DOCK2: variants seen among roughly 807,000 people sequenced by gnomAD.
DOCK2 encodes dedicator of cytokinesis protein 2.
DOCK2 carries 87 observed loss-of-function variants against 248.9 expected under a neutral mutation model. The observed-to-expected ratio is 0.35, with a 90% CI of 0.29 to 0.42. The LOEUF is 0.42. Ranked by LOEUF, DOCK2 falls within the 10% of genes least tolerant of loss-of-function variation. DOCK2 has a pLI of 1.00. For synonymous variants in DOCK2, 805 were observed against 821.6 expected, an observed-to-expected ratio of 0.98 and a Z score of 0.35; for missense variants, 1,747 against 2,300.2, an observed-to-expected ratio of 0.76 and a Z score of 4.92.
chr5:169,925,823 C>T (rs953257253), intron 27 of DOCK2, among the ~76,000 whole-genome samples: 8 of 152,080 alleles, frequency 5.3e-5, no homozygotes, highest in Non-Finnish European at 1.2e-4. Flanking sequence ...TCTATTGCTG[C>T]TATTATCACT....
At chr5:169,863,081 G>T (rs560990098) in intron 27 of DOCK2, among the ~76,000 whole-genome samples, 1 of 152,152 alleles carries the variant, frequency 6.6e-6, no homozygotes, top group Non-Finnish European at 1.5e-5. Flanking sequence ...TACTTTAGTA[G>T]TTTGTTCAGC....
At position 169,708,372 on chromosome 5, in the gene DOCK2, G is replaced by A. The variant is rs76280833; in HGVS notation, c.1482+105G>A. 4,176 of 1,137,024 alleles carry A rather than the reference G, an allele frequency of 3.7e-3. 111 individuals carry two copies. In the African/African-American group the frequency reaches 0.056, roughly 15 times the overall value. The allele number at this position is 1,137,024 out of a possible 1,614,324, so 70.4% of individuals were successfully genotyped here. A position where few individuals can be genotyped will look rare whatever the true frequency, so the allele number is the denominator to read the frequency against. On this transcript the variant is annotated intron_variant, in intron 15 of 51. Coordinates refer to ENST00000520908, the MANE Select transcript of DOCK2 (RefSeq NM_004946.3). ...AATTTATGTATTGCTTACAACAGCC[G>A]TGTGAGGTTTGTACTAATATTTCCT... is the stretch of plus-strand genomic sequence containing the variant.
At chr5:169,791,729 A>C (rs759488740) in intron 25 of DOCK2, among the ~76,000 whole-genome samples, 4 of 152,224 alleles carry the variant, frequency 2.6e-5, no homozygotes, top group African/African-American at 4.8e-5. Flanking sequence ...GGTGAGCTAC[A>C]TGGAGCTCCT....
At chr5:169,849,416 G>C (rs981066758) in intron 27 of DOCK2, among the ~76,000 whole-genome samples, 1 of 152,182 alleles carries the variant, frequency 6.6e-6, no homozygotes, top group African/African-American at 2.4e-5. Context: ...ACACTCCTAA[G>C]CGATGAATAA....
At chr5:169,914,163 G>A (rs1774753910) in intron 27 of DOCK2, among the ~76,000 whole-genome samples, 1 of 152,070 alleles carries the variant, frequency 6.6e-6, no homozygotes, top group African/African-American at 2.4e-5. Context: ...GCAAACCTTG[G>A]CTCCAACAAA....
At chr5:169,765,887 T>A (rs1309916756) in intron 25 of DOCK2, among the ~76,000 whole-genome samples, 4 of 152,178 alleles carry the variant, frequency 2.6e-5, no homozygotes, top group African/African-American at 9.7e-5. Flanking sequence ...TTCCCTCTCA[T>A]CTGTTGCCCA....
chr5:169,683,144 TAGC>T (rs1229150610), intron 7 of DOCK2, among the ~76,000 whole-genome samples: 1 of 152,248 alleles, frequency 6.6e-6, no homozygotes, highest in African/African-American at 2.4e-5. Context: ...GGGCAATACT[TAGC>T]AGTGGGATTG....
chr5:169,848,758 A>G (rs558164385), intron 27 of DOCK2, among the ~76,000 whole-genome samples: 61 of 152,320 alleles, frequency 4.0e-4, no homozygotes, highest in Non-Finnish European at 6.3e-4. Context: ...AGTAAAGGTA[A>G]ATGCTTGGCA....
intron 22 of DOCK2, among the ~76,000 whole-genome samples, chr5:169,729,434 T>C (rs1762650542): frequency 1.3e-5 from 2 of 152,188 alleles, no homozygotes; most frequent in African/African-American, 4.8e-5. Flanking sequence ...GTGGCACATA[T>C]GGTCACTGTC....
Position 169,666,174 on chromosome 5 carries a change from T to G in DOCK2, c.128-3114T>G, listed in dbSNP as rs116698761. 9.5e-3 allele frequency among the ~76,000 whole-genome samples: 1,439 copies of G among 152,258 alleles called. 22 individuals are homozygous for G. Among genetic ancestry groups the G allele is most frequent in the African/African-American group, 0.033 (1,355 of 41,542 alleles). The stretch of plus-strand genomic sequence containing the variant: ...TTTGTAGATGGCTGTGTTCTTGTCA[T>G]AGCCTCTCACATGGCAGAGAGCAAA... On this transcript the variant is annotated intron_variant, in intron 2 of 51. Coordinates refer to ENST00000520908, the MANE Select transcript of DOCK2 (RefSeq NM_004946.3).
intron 27 of DOCK2, among the ~76,000 whole-genome samples, chr5:169,924,847 T>A (rs763677866): frequency 6.6e-6 from 1 of 152,152 alleles, no homozygotes; most frequent in Non-Finnish European, 1.5e-5. Flanking sequence ...TGTCAAAGAT[T>A]GAGCTGCAGT....
At chr5:169,988,158 G>A (rs906331346) in intron 29 of DOCK2, among the ~76,000 whole-genome samples, 7 of 152,066 alleles carry the variant, frequency 4.6e-5, no homozygotes, top group African/African-American at 1.7e-4. Context: ...CTGCTTGCAG[G>A]CACATAGCTT....
chr5:169,983,596 A>G (rs1271934996), intron 28 of DOCK2, among the ~76,000 whole-genome samples: 1 of 152,212 alleles, frequency 6.6e-6, no homozygotes, highest in Non-Finnish European at 1.5e-5. Context: ...CTCAGGATGC[A>G]TTTGCTGCAA....
At chr5:169,987,877 T>A (rs544246217) in intron 29 of DOCK2, among the ~76,000 whole-genome samples, 2 of 152,348 alleles carry the variant, frequency 1.3e-5, no homozygotes, top group South Asian at 4.1e-4. Flanking sequence ...GGCTTCAGAC[T>A]CTTTAATTCT....
chr5:169,789,392 A>G (rs1766187187), intron 25 of DOCK2, among the ~76,000 whole-genome samples: 1 of 152,254 alleles, frequency 6.6e-6, no homozygotes, highest in Admixed American at 6.5e-5. Flanking sequence ...TGCTGGATCA[A>G]ATGGTAGTTC....
intron 33 of DOCK2, among the ~76,000 whole-genome samples, chr5:170,019,584 C>A (rs1755651766): frequency 6.6e-6 from 1 of 152,102 alleles, no homozygotes; most frequent in African/African-American, 2.4e-5. Context: ...TCAGGAGGGA[C>A]CTGTGGATCT....
Position 169,810,708 on chromosome 5 carries a change from G to A in DOCK2, c.2703+7502G>A, listed in dbSNP as rs1002911013. 2.0e-5 allele frequency among the ~76,000 whole-genome samples: 3 copies of A among 152,050 alleles called. No homozygotes were observed. The East Asian group carries it at 5.8e-4, about 29-fold the overall frequency. ...TTTAAGAAAGACTGGTCTCTTTGGG[G>A]GATTTTCCTGCTTCCTTAAAGTTCC... On this transcript the variant is annotated intron_variant, in intron 26 of 51. Coordinates refer to ENST00000520908, the MANE Select transcript of DOCK2 (RefSeq NM_004946.3).
intron 27 of DOCK2, among the ~76,000 whole-genome samples, chr5:169,885,479 G>T (rs759838905): frequency 6.6e-6 from 1 of 152,186 alleles, no homozygotes; most frequent in Non-Finnish European, 1.5e-5. Context: ...GTTCTGCTAT[G>T]ACTGCAACAT....
Position 169,719,800 on chromosome 5 carries a change from T to G in DOCK2, c.2267+1009T>G, listed in dbSNP as rs575663718. 4.6e-5 allele frequency among the ~76,000 whole-genome samples: 7 copies of G among 152,316 alleles called. No homozygotes were observed. The South Asian group carries it at 1.0e-3, about 23-fold the overall frequency. On this transcript the variant is annotated intron_variant, in intron 22 of 51. Coordinates refer to ENST00000520908, the MANE Select transcript of DOCK2 (RefSeq NM_004946.3). ...TTTGGGTCTTGTATAGTTGTGGTCA[T>G]GTGTGCATTACTGGAGTCATAGCCA...
Sources: gnomAD v4.1 joint callset for allele counts (sites outside exome capture counted in the v4.1 genomes callset) on GRCh38, gnomAD v4.1.1 for gene constraint, MANE v1.5 for transcripts, NCBI Gene and HGNC (gene_info 2026-07-23, HGNC 2026-07-21) for gene names.